Variants in ERCC6L2 observed in about 807,000 individuals in gnomAD.
ERCC6L2 encodes the protein ERCC excision repair 6 like 2.
ERCC6L2 carries 77 observed loss-of-function variants against 132.0 expected under a neutral mutation model. The ratio of observed to expected loss-of-function variants is 0.58; its 90% CI spans 0.49 to 0.71. The LOEUF is 0.71. Among genes scored for constraint, ERCC6L2 ranks in the 30% least tolerant of loss-of-function variants. ERCC6L2 has a pLI of 0.00. For synonymous variants in ERCC6L2, 583 were observed against 632.4 expected, an observed-to-expected ratio of 0.92 and a Z score of 1.17; for missense variants, 1,542 against 1,837.6, an observed-to-expected ratio of 0.84 and a Z score of 2.94.
chr9:96,010,440 C>T (rs1833989749), intron 18 of ERCC6L2, among the ~76,000 whole-genome samples: 3 of 152,162 alleles, frequency 2.0e-5, no homozygotes, highest in Non-Finnish European at 4.4e-5. Context: ...TTTTTTAATG[C>T]TAAGGATTCT....
intron 18 of ERCC6L2, 144 bp from the exon 19 acceptor site, chr9:96,012,081 G>C (rs186042172): frequency 7.3e-6 from 3 of 410,392 alleles, no homozygotes; most frequent in Non-Finnish European, 1.1e-5. Flanking sequence ...GATAAAATGC[G>C]TTTTCATTGT....
chr9:95,893,508 A>C (rs1389513612), intron 2 of ERCC6L2, among the ~76,000 whole-genome samples: 1 of 152,172 alleles, frequency 6.6e-6, no homozygotes, highest in African/African-American at 2.4e-5. Context: ...AAACCCTGAA[A>C]GGGTCTGTTA....
chr9:95,965,839 C>T (rs1014097731), intron 13 of ERCC6L2, among the ~76,000 whole-genome samples: 9 of 152,110 alleles, frequency 5.9e-5, no homozygotes, highest in Admixed American at 2.0e-4. Context: ...CTGATTTCTC[C>T]GTCAGTGGGC....
intron 11 of ERCC6L2, among the ~76,000 whole-genome samples, chr9:95,935,554 C>T (rs1031209235): frequency 2.0e-5 from 3 of 152,002 alleles, no homozygotes; most frequent in South Asian, 2.1e-4. Flanking sequence ...TACAGTATGG[C>T]GAATGCAGGG....
chr9:95,897,845 C>G lies in ERCC6L2; in HGVS notation c.472-4C>G. The G allele has an allele frequency of 6.2e-7, 1 of 1,610,866 alleles. No homozygotes were observed. Among genetic ancestry groups the G allele is most frequent in the Non-Finnish European group, 8.5e-7 (1 of 1,178,916 alleles). On this transcript the variant is annotated splice_polypyrimidine_tract_variant and splice_region_variant and intron_variant, in intron 2 of 18. Transcript: ENST00000653738. ...CAGTGATTGAAAAAGTCTTTTTTCC[C>G]CAGGTTATTTCATTTCTGGCTGCAG...
chr9:96,007,507 G>C (rs1255234405), intron 18 of ERCC6L2, among the ~76,000 whole-genome samples: 8 of 152,208 alleles, frequency 5.3e-5, no homozygotes, highest in African/African-American at 1.9e-4. Flanking sequence ...CAGTTTAGCT[G>C]GATGGCATAA....
chr9:95,936,217 G>A (rs1830546394), intron 11 of ERCC6L2, among the ~76,000 whole-genome samples: 1 of 152,230 alleles, frequency 6.6e-6, no homozygotes. Context: ...GTGATACTTA[G>A]CATGGCTTTT....
Position 95,978,084 on chromosome 9 carries a change from A to G in ERCC6L2, c.3361A>G (p.Ile1121Val), listed in dbSNP as rs1260839254. The change falls in exon 17 of 19, where the codon ATT becomes GTT. Residue 1121 changes from isoleucine to valine, a missense_variant. By Grantham distance (29) the Ile-to-Val change is conservative. Coordinates refer to ENST00000653738, the MANE Select transcript of ERCC6L2 (RefSeq NM_020207.7). ...FLDGVQEVAY[I>V]HSNQNVIGSS... ...AGATGGCGTTCAGGAAGTGGCTTAT[A>G]TTCACTCAAACCAGAATGTAATTGG... The G allele has an allele frequency of 1.5e-6, 2 of 1,367,150 alleles. No homozygotes were observed. The highest frequency in any genetic ancestry group is 2.0e-6 in the Non-Finnish European group (2 of 1,021,656). 84.7% of individuals were successfully genotyped at this position (1,367,150 alleles called of 1,614,324 possible).
In ERCC6L2 at chr9:96,015,014, A is replaced by ATTTT. The variant is rs1564306540; in HGVS notation, c.*1811_*1812insTTTT. On this transcript the variant is annotated 3_prime_UTR_variant, in exon 19 of 19. Transcript: ENST00000653738. ...AGCTCTATAGTCTTCATATATGTAC[A>ATTTT]GTTTTTTTTTTTTTTTTTTTTTTTT... 2.0e-4 allele frequency among the ~76,000 whole-genome samples: 13 copies of ATTTT among 66,136 alleles called. No individual in the cohort carries two copies. Among genetic ancestry groups the ATTTT allele is most frequent in the East Asian group, 5.7e-4 (1 of 1,746 alleles). 43.4% of individuals were successfully genotyped at this position (66,136 alleles called of 152,430 possible).
intron 11 of ERCC6L2, among the ~76,000 whole-genome samples, chr9:95,932,360 G>A (rs757878486): frequency 8.5e-5 from 13 of 152,132 alleles, no homozygotes; most frequent in Non-Finnish European, 1.8e-4. Flanking sequence ...CACCATTTCT[G>A]CCATCACATT....
Position 95,880,944 on chromosome 9 carries a change from C to G in ERCC6L2, c.122C>G (p.Ser41Cys), listed in dbSNP as rs761811803. ...NGKLCEASIK[S>C]ITVDENGKSF... ...AAACTTTGTGAAGCAAGCATAAAAT[C>G]TATCACAGTGGATGAAAATGGCAAG... Residue 41 changes from serine to cysteine, a missense_variant, in exon 2 of 19, where the codon TCT becomes TGT. By Grantham distance (112) the Ser-to-Cys change is moderately radical (BLOSUM62 -1). Transcript: ENST00000653738. 4 of 1,613,952 alleles carry G rather than the reference C, an allele frequency of 2.5e-6. No homozygotes were observed. The East Asian group carries it at 6.7e-5, about 27-fold the overall frequency.
chr9:95,876,811 G>C (rs1762806139), intron 1 of ERCC6L2: 1 of 152,226 alleles, frequency 6.6e-6, no homozygotes, highest in South Asian at 2.1e-4. Context: ...AAAGTTCAGA[G>C]AGGGCAAGTT....
rs979682689 is a variant in ERCC6L2, at chr9:96,033,446, C to T, written c.*1504-5430C>T. Among the ~76,000 whole-genome samples, 3 of 152,158 alleles carry T rather than the reference C, an allele frequency of 2.0e-5. No homozygotes were observed. In the East Asian group the frequency reaches 5.8e-4, roughly 29 times the overall value. On this transcript the variant is annotated intron_variant and NMD_transcript_variant, in intron 19 of 20. Transcript: ENST00000670016. The stretch of plus-strand genomic sequence containing the variant: ...ATTTTCAGTGGAGACAGGTTTTCAC[C>T]ATATTGACCAGGCTGGTCTCGGACT...
intron 2 of ERCC6L2, among the ~76,000 whole-genome samples, chr9:95,886,232 G>T (rs1193053138): frequency 7.9e-5 from 12 of 152,178 alleles, no homozygotes. Context: ...GCCCAGGCTG[G>T]TCTTGAACTC....
downstream of ERCC6L2, among the ~76,000 whole-genome samples, chr9:96,021,932 C>G (rs1453589855): frequency 1.3e-5 from 2 of 152,116 alleles, no homozygotes; most frequent in Admixed American, 1.3e-4. The surrounding 1 kb of genome is among the most constrained non-coding windows in gnomAD (Gnocchi z 4.7). Context: ...GGAATCAGGG[C>G]CCCGGCGCCC....
chr9:95,909,694 A>G (rs893882069), intron 4 of ERCC6L2, among the ~76,000 whole-genome samples: 3 of 152,100 alleles, frequency 2.0e-5, no homozygotes, highest in African/African-American at 7.2e-5. Flanking sequence ...TTTGTTACCC[A>G]TTCATTTGAG....
At chr9:95,928,926 T>A (rs1187474677) in intron 11 of ERCC6L2, 62 bp downstream of exon 11, 1 of 1,274,550 alleles carries the variant, frequency 7.8e-7, no homozygotes, top group Non-Finnish European at 1.1e-6. Flanking sequence ...TTAGCATAAT[T>A]TTTAAAACTA....
At chr9:95,967,012 T>TG in intron 14 of ERCC6L2, 1 of 210,378 alleles carries the variant, frequency 4.8e-6, no homozygotes, top group Admixed American at 5.9e-5. Flanking sequence ...AAACAGCTGC[T>TG]GAAGTCAGGA....
intron 7 of ERCC6L2, among the ~76,000 whole-genome samples, chr9:95,921,713 C>CT (rs369280096): frequency 6.6e-5 from 10 of 152,214 alleles, no homozygotes; most frequent in African/African-American, 2.4e-4. Context: ...TTAATAGAAA[C>CT]TGAGTATCAA....
Sources: gnomAD v4.1 joint callset for allele counts (sites outside exome capture counted in the v4.1 genomes callset) on GRCh38, gnomAD v4.1.1 for gene constraint, Gnocchi (gnomAD v3.1) non-coding constraint, MANE v1.5 for transcripts, NCBI Gene and HGNC (gene_info 2026-07-23, HGNC 2026-07-21) for gene names.